Variants in URI1 observed in about 807,000 individuals in gnomAD.
The protein encoded by URI1 is unconventional prefoldin RPB5 interactor 1.
Under a neutral mutation model 60.2 loss-of-function variants are expected in URI1, and 39 were observed. The ratio of observed to expected loss-of-function variants is 0.65; its 90% CI spans 0.50 to 0.85. The LOEUF (loss-of-function observed/expected upper bound fraction) is 0.85, where lower values mean the gene tolerates loss of function less well. Among genes scored for constraint, URI1 ranks in the 40% least tolerant of loss-of-function variants. The pLI, the probability that URI1 is intolerant of heterozygous loss-of-function variation, is 0.00. For missense variants in URI1, 691 were observed against 665.9 expected (o/e 1.04, Z -0.42); for synonymous variants, 251 against 236.8 (o/e 1.06, Z -0.55).
chr19:30,005,354 G>T lies in URI1; in HGVS notation c.368-7G>T. ...GCTTTACATAATGGTTGTGTTCATTGTTTCAGATGTAAGAAAAACAATAGA... is the reference window on the plus strand; with the variant it reads ...GCTTTACATAATGGTTGTGTTCATTTTTTCAGATGTAAGAAAAACAATAGA... On this transcript the variant is annotated splice_polypyrimidine_tract_variant and splice_region_variant and intron_variant, in intron 4 of 10. Coordinates refer to ENST00000392271, the MANE Select transcript of URI1 (RefSeq NM_003796.3). The T allele has an allele frequency of 1.3e-6, 2 of 1,530,704 alleles. No homozygotes were observed. Among genetic ancestry groups the T allele is most frequent in the Admixed American group, 3.7e-5 (2 of 53,964 alleles). 94.8% of individuals were successfully genotyped at this position (1,530,704 alleles called of 1,614,324 possible).
upstream of URI1, among the ~76,000 whole-genome samples, chr19:29,938,589 T>G (rs1013333450): frequency 1.3e-5 from 2 of 152,162 alleles, no homozygotes; most frequent in African/African-American, 4.8e-5. Flanking sequence ...CTTGGTCAAC[T>G]CTTGTCTCCC....
chr19:29,925,004 T>G (rs1285803794), intron 1 of URI1, among the ~76,000 whole-genome samples: 1 of 152,022 alleles, frequency 6.6e-6, no homozygotes, highest in Admixed American at 6.6e-5. Context: ...CCCGGCTAAT[T>G]TTTGTATTTT....
At chr19:29,961,696 T>C (rs2055327631) in intron 1 of URI1, among the ~76,000 whole-genome samples, 1 of 151,080 alleles carries the variant, frequency 6.6e-6, no homozygotes, top group Non-Finnish European at 1.5e-5. Flanking sequence ...TTTTTGTTGT[T>C]TGTTTTGAGA....
At chr19:29,986,894 T>G (rs2055678418) in intron 4 of URI1, among the ~76,000 whole-genome samples, 1 of 152,200 alleles carries the variant, frequency 6.6e-6, no homozygotes, top group Non-Finnish European at 1.5e-5. Flanking sequence ...TTTCATTTGA[T>G]AGAGGAGACC....
intron 1 of URI1, among the ~76,000 whole-genome samples, chr19:29,952,364 C>A (rs889975223): frequency 1.3e-5 from 2 of 152,204 alleles, no homozygotes; most frequent in African/African-American, 4.8e-5. Flanking sequence ...TGTTGAATGA[C>A]TGACTGGATG....
Position 29,999,835 on chromosome 19 carries a change from T to TA in URI1, c.368-5518dup, listed in dbSNP as rs546490513. ...CCACAAACCATCTTAAGACGTTATT[T>TA]AAAAAAAAGAGCAGCATTCACTTAT... On this transcript the variant is annotated intron_variant, in intron 4 of 10. Transcript: ENST00000392271. Among the ~76,000 whole-genome samples, 4 of 151,976 alleles carry TA rather than the reference T, an allele frequency of 2.6e-5. No individual in the cohort carries two copies. The East Asian group carries it at 5.8e-4, about 22-fold the overall frequency.
At chr19:29,961,741 A>C (rs2055328365) in intron 1 of URI1, among the ~76,000 whole-genome samples, 1 of 149,432 alleles carries the variant, frequency 6.7e-6, no homozygotes, top group Non-Finnish European at 1.5e-5. Context: ...GCTGGAGTGC[A>C]ATGGCACAAT....
chr19:29,986,776 T>C (rs2055676355), intron 4 of URI1, among the ~76,000 whole-genome samples: 1 of 152,214 alleles, frequency 6.6e-6, no homozygotes, highest in African/African-American at 2.4e-5. Context: ...CTTAATACTT[T>C]AGTACACAGA....
intron 1 of URI1, among the ~76,000 whole-genome samples, chr19:29,968,807 G>A (rs1281803572): frequency 3.3e-5 from 5 of 151,278 alleles, no homozygotes; most frequent in Non-Finnish European, 2.9e-5. Flanking sequence ...TCCTGACCTC[G>A]TGATCCACCC....
intron 1 of URI1, among the ~76,000 whole-genome samples, chr19:29,927,847 G>T (rs1009546938): frequency 3.9e-5 from 6 of 151,970 alleles, no homozygotes; most frequent in African/African-American, 1.5e-4. Context: ...AAAATGCTGG[G>T]ATTAGGCGTG....
chr19:30,010,500 AT>A (rs1055278050), intron 8 of URI1, among the ~76,000 whole-genome samples: 2 of 152,192 alleles, frequency 1.3e-5, no homozygotes, highest in African/African-American at 4.8e-5. Flanking sequence ...GAAAGAACAA[AT>A]ATTATTTGCA....
intron 4 of URI1, 44 bp downstream of exon 4, chr19:29,986,461 C>G (rs1044721169): frequency 7.7e-5 from 122 of 1,579,390 alleles, no homozygotes; most frequent in Non-Finnish European, 9.6e-5. Context: ...GTATATGTAT[C>G]CATTCACAGA....
At chr19:29,924,711 A>C (rs1403212761) in intron 1 of URI1, among the ~76,000 whole-genome samples, 1 of 152,226 alleles carries the variant, frequency 6.6e-6, no homozygotes, top group Non-Finnish European at 1.5e-5. Context: ...CAACAGCAGC[A>C]CACTGACCAG....
chr19:29,957,580 C>G (rs1464066710), intron 1 of URI1, among the ~76,000 whole-genome samples: 3 of 152,218 alleles, frequency 2.0e-5, no homozygotes, highest in East Asian at 1.9e-4. Context: ...ATTCCTCTAG[C>G]ACTTTGTTCT....
In URI1 at chr19:29,993,186, G is replaced by A. The variant is rs538547472; in HGVS notation, c.367+6769G>A. On this transcript the variant is annotated intron_variant, in intron 4 of 10. Transcript: ENST00000392271. ...GAAGGGATAAGAGCATGAACTAGGGGTAATGGCTATAGGCTTAGAGAAGAG... is the reference window on the plus strand; with the variant it reads ...GAAGGGATAAGAGCATGAACTAGGGATAATGGCTATAGGCTTAGAGAAGAG... Among the ~76,000 whole-genome samples, 9 of 152,226 alleles carry A rather than the reference G, an allele frequency of 5.9e-5. No individual in the cohort carries two copies. In the East Asian group the frequency reaches 1.7e-3, roughly 29 times the overall value.
At chr19:30,007,353 T>C (rs1334228664) in intron 6 of URI1, 117 bp from the exon 7 acceptor site, 2 of 1,156,082 alleles carry the variant, frequency 1.7e-6, no homozygotes, top group East Asian at 2.6e-5. Flanking sequence ...GGCTTAAAAA[T>C]TGTGACCCCT....
intron 2 of URI1, among the ~76,000 whole-genome samples, chr19:29,977,185 A>G (rs1045397254): frequency 6.6e-6 from 1 of 151,110 alleles, no homozygotes; most frequent in East Asian, 1.9e-4. Context: ...GTCGGGATGG[A>G]GATACCTGCT....
At chr19:29,981,735 G>A (rs2145360269) in intron 2 of URI1, among the ~76,000 whole-genome samples, 1 of 152,246 alleles carries the variant, frequency 6.6e-6, no homozygotes, top group East Asian at 1.9e-4. Flanking sequence ...TTCTAAGTAA[G>A]TAGGCTGGAG....
At chr19:29,977,509 T>C (rs892216812) in intron 2 of URI1, among the ~76,000 whole-genome samples, 1 of 151,776 alleles carries the variant, frequency 6.6e-6, no homozygotes, top group African/African-American at 2.4e-5. Context: ...TTTCAGTCAC[T>C]GTTTTGTAGA....
Sources: allele counts gnomAD v4.1 joint callset (sites outside exome capture counted in the v4.1 genomes callset), GRCh38; gene constraint gnomAD v4.1.1; transcripts MANE v1.5; gene names NCBI Gene and HGNC (gene_info 2026-07-23, HGNC 2026-07-21).